ING3: variants seen among roughly 807,000 people sequenced by gnomAD.
ING3 encodes the protein inhibitor of growth protein 3.
In ING3, 6 loss-of-function variants were observed where a neutral mutation model predicts 64.8. That is an observed-to-expected ratio of 0.09 (90% CI 0.05 to 0.18). ING3 has a LOEUF of 0.18. Ranked by LOEUF, ING3 falls within the 10% of genes least tolerant of loss-of-function variation. The probability of loss-of-function intolerance (pLI) is 1.00; values close to 1 mark genes in which losing one functional copy is unlikely to be tolerated. For missense variants in ING3, 310 were observed against 489.7 expected (o/e 0.63, Z 3.46); for synonymous variants, 170 against 173.7 (o/e 0.98, Z 0.17).
At chr7:120,959,004 C>T (rs759746871) in intron 4 of ING3, among the ~76,000 whole-genome samples, 3 of 152,158 alleles carry the variant, frequency 2.0e-5, no homozygotes, top group African/African-American at 7.2e-5. Flanking sequence ...TTTTAACTGA[C>T]CCTATTGGTA....
rs11548053 is a variant in ING3 at position 120,951,192 on chromosome 7, G to A, written c.57G>A (p.Arg19=). The A allele has an allele frequency of 1.9e-6, 3 of 1,614,190 alleles. No individual in the cohort carries two copies. Among genetic ancestry groups the A allele is most frequent in the Non-Finnish European group, 2.5e-6 (3 of 1,180,036 alleles). The change falls in exon 2 of 12, where the codon CGG becomes CGA. Residue 19 remains arginine (R), a synonymous_variant. Coordinates refer to ENST00000315870, the MANE Select transcript of ING3 (RefSeq NM_019071.3). ...EMIEQLPMDL[R]DRFTEMREMD... is the part of the protein sequence containing the mutation. Reference sequence around the variant, plus strand: ...TTGAGCAGCTTCCTATGGATCTGCGGGACCGCTTCACGGAAATGCGCGAGA... The same window carrying A: ...TTGAGCAGCTTCCTATGGATCTGCGAGACCGCTTCACGGAAATGCGCGAGA...
intron 2 of ING3, among the ~76,000 whole-genome samples, chr7:120,952,681 G>A (rs1306757709): frequency 6.6e-6 from 1 of 151,526 alleles, no homozygotes; most frequent in African/African-American, 2.4e-5. Flanking sequence ...ATTGTGGACT[G>A]GAAATCTCCA....
At chr7:120,951,286 A>C in intron 2 of ING3, 51 bp downstream of exon 2, 1 of 1,547,166 alleles carries the variant, frequency 6.5e-7, no homozygotes, top group Non-Finnish European at 8.9e-7. Context: ...TCAGTGCCAG[A>C]CTTGCTTGTC....
rs369134261 is a variant in ING3, at chr7:120,951,301, C to G, written c.100+66C>G. 1.4e-3 allele frequency: 2,052 copies of G among 1,435,416 alleles called. 4 individuals are homozygous for G. Among genetic ancestry groups the G allele is most frequent in the Non-Finnish European group, 1.8e-3 (1,880 of 1,019,154 alleles). The allele number at this position is 1,435,416 out of a possible 1,614,324, so 88.9% of individuals were successfully genotyped here. A position where few individuals can be genotyped will look rare whatever the true frequency, so the allele number is the denominator to read the frequency against. ...TCAGTGCCAGACTTGCTTGTCATCA[C>G]TGCTAGCGCCTAGTGCTCTTTCACT... On this transcript the variant is annotated intron_variant, in intron 2 of 11. Coordinates refer to ENST00000315870, the MANE Select transcript of ING3 (RefSeq NM_019071.3).
At chr7:120,964,907 C>G in intron 5 of ING3, 69 bp downstream of exon 5, 1 of 1,238,142 alleles carries the variant, frequency 8.1e-7, no homozygotes, top group Non-Finnish European at 1.2e-6. Flanking sequence ...AAGACCTTGT[C>G]CCACAGAGGC....
At chr7:120,962,877 T>G (rs758140629) in intron 4 of ING3, among the ~76,000 whole-genome samples, 111 of 152,288 alleles carry the variant, frequency 7.3e-4, no homozygotes, top group Non-Finnish European at 1.5e-3. Context: ...TTTTTATCCC[T>G]TATTATATTA....
chr7:120,974,512 G>T (rs1249287838), intron 11 of ING3, among the ~76,000 whole-genome samples: 2 of 152,136 alleles, frequency 1.3e-5, no homozygotes, highest in East Asian at 3.9e-4. Context: ...CAGGATTCTT[G>T]AAGATGCATA....
chr7:120,956,150 T>A (rs1296239333), intron 4 of ING3: 5 of 1,592,558 alleles, frequency 3.1e-6, no homozygotes, highest in African/African-American at 1.3e-5. Context: ...ACAAGATTCT[T>A]TTTTTGCAGC....
chr7:120,952,692 A>G (rs1010868597), intron 2 of ING3, among the ~76,000 whole-genome samples: 5 of 152,100 alleles, frequency 3.3e-5, no homozygotes, highest in Admixed American at 2.0e-4. Flanking sequence ...GAAATCTCCA[A>G]AAGAAGTATA....
rs1584986518 is a variant in ING3 at position 120,953,487 on chromosome 7, A to T, written c.201+83A>T. ...ATTTCAAAATTAAATAGTGGTCTGG[A>T]TATCAAAATGAGAGAATATTATCAA... On this transcript the variant is annotated intron_variant, in intron 3 of 11. Transcript: ENST00000315870. 19 of 776,760 alleles carry T rather than the reference A, an allele frequency of 2.4e-5. No individual in the cohort carries two copies. The East Asian group carries it at 5.1e-4, about 21-fold the overall frequency. 48.1% of individuals were successfully genotyped at this position (776,760 alleles called of 1,614,324 possible).
chr7:120,964,955 G>A, intron 5 of ING3, 117 bp downstream of exon 5: 1 of 740,396 alleles, frequency 1.4e-6, no homozygotes, highest in Non-Finnish European at 2.3e-6. Flanking sequence ...GTGGCATCCA[G>A]GCCAGATAGC....
intron 4 of ING3, 193 bp downstream of exon 4, chr7:120,955,817 T>G: frequency 1.7e-6 from 1 of 594,156 alleles, no homozygotes; most frequent in Non-Finnish European, 3.0e-6. Flanking sequence ...TTAGTTAATG[T>G]GGTGAGAACT....
Position 120,967,936 on chromosome 7 carries a change from T to G in ING3, c.559T>G (p.Cys187Gly). 2 of 1,614,056 alleles carry G rather than the reference T, an allele frequency of 1.2e-6. No individual in the cohort carries two copies. Among genetic ancestry groups the G allele is most frequent in the African/African-American group, 2.7e-5 (2 of 75,046 alleles). The change falls in exon 8 of 12, where the codon TGT becomes GGT. Residue 187 changes from cysteine to glycine, a missense_variant and splice_region_variant. Coordinates refer to ENST00000315870, the MANE Select transcript of ING3 (RefSeq NM_019071.3). ...ATTTCTTTTTTACATCTACACAGGT[T>G]GTCGAAATAATAATTCCACAGCCTC... ...SDASKENTLG[C>G]RNNNSTASSN... is the part of the protein sequence containing the mutation.
rs922887475 is a variant in ING3 at position 120,975,658 on chromosome 7, C to T, written c.*814C>T. ...TTAAAATAAAGTTTTTAAAAAATTA[C>T]TTGTATTTATACTTTACATACTTAA... On this transcript the variant is annotated 3_prime_UTR_variant, in exon 12 of 12. Transcript: ENST00000315870. The T allele has an allele frequency of 2.0e-5, 3 of 152,062 alleles. No homozygotes were observed. Among genetic ancestry groups the T allele is most frequent in the Non-Finnish European group, 2.9e-5 (2 of 67,994 alleles). 9.4% of individuals were successfully genotyped at this position (152,062 alleles called of 1,614,324 possible).
At chr7:120,955,825 A>C in intron 4 of ING3, 1 of 591,306 alleles carries the variant, frequency 1.7e-6, no homozygotes, top group Admixed American at 3.2e-5. Flanking sequence ...TGTGGTGAGA[A>C]CTGTACATTT....
At chr7:120,970,536 C>T (rs915549781) in intron 9 of ING3, 152 bp from the exon 10 acceptor site, 1 of 721,092 alleles carries the variant, frequency 1.4e-6, no homozygotes, top group Non-Finnish European at 2.3e-6. Context: ...AAAGTACTAC[C>T]TACAATTTAA....
chr7:120,969,331 A>G (rs929816281), intron 9 of ING3, 127 bp downstream of exon 9: 3 of 556,284 alleles, frequency 5.4e-6, no homozygotes, highest in Non-Finnish European at 8.7e-6. Flanking sequence ...AGAGGTAGGG[A>G]GACATGCGGT....
chr7:120,968,877 A>G, intron 8 of ING3, 134 bp from the exon 9 acceptor site: 2 of 480,670 alleles, frequency 4.2e-6, no homozygotes, highest in Non-Finnish European at 7.0e-6. Context: ...CTTAAATTCC[A>G]GTGATGAAAA....
intron 5 of ING3, among the ~76,000 whole-genome samples, chr7:120,965,548 C>T (rs1795986605): frequency 6.6e-6 from 1 of 152,094 alleles, no homozygotes. Flanking sequence ...GTTAATTGAA[C>T]CAAATTAATA....
Sources: gnomAD v4.1 joint callset for allele counts (sites outside exome capture counted in the v4.1 genomes callset) on GRCh38, gnomAD v4.1.1 for gene constraint, MANE v1.5 for transcripts, NCBI Gene and HGNC (gene_info 2026-07-23, HGNC 2026-07-21) for gene names.